ERBB4: variants seen among roughly 807,000 people sequenced by gnomAD.
ERBB4 encodes the protein receptor tyrosine-protein kinase erbB-4.
A neutral mutation model predicts 158.0 loss-of-function variants in ERBB4; 42 were observed. The ratio of observed to expected loss-of-function variants is 0.27; its 90% confidence interval spans 0.21 to 0.34. The LOEUF (loss-of-function observed/expected upper bound fraction) is 0.34. Among genes scored for constraint, ERBB4 ranks in the 10% least tolerant of loss-of-function variants. ERBB4 has a pLI of 1.00. For synonymous variants in ERBB4, 583 were observed against 558.7 expected (o/e 1.04, Z -0.61); for missense variants, 1,333 against 1,624.1 (o/e 0.82, Z 3.08).
chr2:211,990,759 T>C (rs1465921428), intron 2 of ERBB4, among the ~76,000 whole-genome samples: 1 of 151,762 alleles, frequency 6.6e-6, no homozygotes, highest in Non-Finnish European at 1.5e-5. Context: ...CTTGAGGATG[T>C]TGGATGTTGC....
At chr2:212,088,885 T>TCAGTTTA (rs1168766141) in intron 2 of ERBB4, among the ~76,000 whole-genome samples, 1 of 152,104 alleles carries the variant, frequency 6.6e-6, no homozygotes, top group Non-Finnish European at 1.5e-5. Context: ...TATTAGACAC[T>TCAGTTTA]CAGTTTACAG....
chr2:211,394,031 C>T (rs1274391683), intron 25 of ERBB4, among the ~76,000 whole-genome samples: 1 of 152,048 alleles, frequency 6.6e-6, no homozygotes, highest in Non-Finnish European at 1.5e-5. Context: ...TATCCCCGGG[C>T]AGCAATTCCT....
chr2:212,065,352 T>C (rs898534234), intron 2 of ERBB4, among the ~76,000 whole-genome samples: 5 of 152,136 alleles, frequency 3.3e-5, no homozygotes, highest in Admixed American at 2.6e-4. Flanking sequence ...AGGTGAACCA[T>C]GCAAAATTGC....
intron 1 of ERBB4, among the ~76,000 whole-genome samples, chr2:212,288,737 A>G (rs537594080): frequency 6.6e-6 from 1 of 152,248 alleles, no homozygotes; most frequent in East Asian, 1.9e-4. Flanking sequence ...ACTAAAGACA[A>G]AGTTCTACAA....
chr2:211,974,084 G>A (rs74452462), intron 2 of ERBB4, among the ~76,000 whole-genome samples: 1 of 152,138 alleles, frequency 6.6e-6, no homozygotes, highest in African/African-American at 2.4e-5. Context: ...CTTTCAGAGG[G>A]TGGACGGTGG....
intron 1 of ERBB4, among the ~76,000 whole-genome samples, chr2:212,335,616 A>G (rs181205474): frequency 2.6e-4 from 39 of 152,190 alleles, no homozygotes; most frequent in African/African-American, 7.2e-4. Flanking sequence ...GGAATAAACA[A>G]GAAAAATTTT....
At chr2:211,548,149 C>T (rs1397459806) in intron 20 of ERBB4, among the ~76,000 whole-genome samples, 1 of 151,974 alleles carries the variant, frequency 6.6e-6, no homozygotes, top group Non-Finnish European at 1.5e-5. Context: ...CCTTACTACC[C>T]TTTAAATATT....
At chr2:211,732,847 C>T (rs6711999) in intron 5 of ERBB4, among the ~76,000 whole-genome samples, 105,923 of 151,954 alleles carry the variant, frequency 0.7, 37,834 homozygotes, top group African/African-American at 0.86. Flanking sequence ...CATGGTGGCG[C>T]GCACCTGTAA....
chr2:211,710,861 C>T (rs1322187568), intron 9 of ERBB4, among the ~76,000 whole-genome samples: 1 of 151,966 alleles, frequency 6.6e-6, no homozygotes, highest in Non-Finnish European at 1.5e-5. Flanking sequence ...CCATGTGGGA[C>T]TGTGAGTCCA....
intron 6 of ERBB4, among the ~76,000 whole-genome samples, chr2:211,723,514 G>A (rs1373713925): frequency 6.6e-6 from 1 of 151,876 alleles, no homozygotes; most frequent in Non-Finnish European, 1.5e-5. Context: ...TCAAAACATT[G>A]CTTCATCAAT....
intron 9 of ERBB4, 107 bp from the exon 10 acceptor site, chr2:211,705,498 G>C: frequency 2.5e-6 from 2 of 788,346 alleles, no homozygotes; most frequent in Non-Finnish European, 2.2e-6. Context: ...TTAGCAGTAG[G>C]GGTGTTATCA....
At chr2:211,454,804 A>G (rs2064338441) in intron 20 of ERBB4, among the ~76,000 whole-genome samples, 1 of 152,218 alleles carries the variant, frequency 6.6e-6, no homozygotes, top group Non-Finnish European at 1.5e-5. Context: ...AGCAAAGGTA[A>G]TAACTTTTCC....
chr2:212,286,836 T>A (rs1018391469), intron 1 of ERBB4, among the ~76,000 whole-genome samples: 7 of 141,928 alleles, frequency 4.9e-5, no homozygotes, highest in African/African-American at 1.8e-4. Flanking sequence ...TTCCCCAACT[T>A]CTGAACTCAA....
chr2:211,946,186 A>G (rs1316184611), intron 3 of ERBB4, among the ~76,000 whole-genome samples: 1 of 151,984 alleles, frequency 6.6e-6, no homozygotes, highest in African/African-American at 2.4e-5. Flanking sequence ...TATTTCATCA[A>G]CTCTATAGCA....
At chr2:212,267,593 A>ATGTCTTTTTTT (rs1553607818) in intron 1 of ERBB4, among the ~76,000 whole-genome samples, 2 of 70,082 alleles carry the variant, frequency 2.9e-5, no homozygotes, top group Non-Finnish European at 6.1e-5. Context: ...CATAGTTCTC[A>ATGTCTTTTTTT]TTTCTTTTTT....
chr2:212,084,764 A>T (rs985630880), intron 2 of ERBB4, among the ~76,000 whole-genome samples: 1 of 151,936 alleles, frequency 6.6e-6, no homozygotes, highest in Admixed American at 6.6e-5. Context: ...GAAAAGAGGA[A>T]CCCACAGAAT....
chr2:212,229,325 A>C (rs2083585475), intron 1 of ERBB4, among the ~76,000 whole-genome samples: 1 of 152,206 alleles, frequency 6.6e-6, no homozygotes, highest in African/African-American at 2.4e-5. Context: ...GCCTCGGTGA[A>C]GTCTGGATGG....
intron 2 of ERBB4, among the ~76,000 whole-genome samples, chr2:212,048,808 C>T (rs182856263): frequency 2.5e-3 from 387 of 152,278 alleles, no homozygotes; most frequent in African/African-American, 8.6e-3. Context: ...ATTTAAAACC[C>T]TGGGACTGGA....
At chr2:212,428,259 A>G (rs2091957553) in intron 1 of ERBB4, among the ~76,000 whole-genome samples, 1 of 152,182 alleles carries the variant, frequency 6.6e-6, no homozygotes. Flanking sequence ...CTTAAATTAT[A>G]TGTACAGAGT....
Sources: gnomAD v4.1 joint callset for allele counts (sites outside exome capture counted in the v4.1 genomes callset) on GRCh38, gnomAD v4.1.1 for gene constraint, MANE v1.5 for transcripts, NCBI Gene and HGNC (gene_info 2026-07-23, HGNC 2026-07-21) for gene names.